MBD5: variants seen among roughly 807,000 people sequenced by gnomAD.
MBD5 encodes methyl-CpG binding domain protein 5.
In MBD5, 13 loss-of-function variants were observed where a neutral mutation model predicts 117.3. That is an observed-to-expected ratio of 0.11 (90% confidence interval 0.07 to 0.18). The LOEUF is 0.18. Ranked by LOEUF, MBD5 falls within the 10% of genes least tolerant of loss-of-function variation. MBD5 has a pLI of 1.00. For synonymous variants in MBD5, 727 were observed against 766.4 expected (o/e 0.95, Z 0.85); for missense variants, 1,879 against 2,093.8 (o/e 0.90, Z 2.00).
At position 148,355,302 on chromosome 2, in the gene MBD5, CT is replaced by C. The variant is rs775202893; in HGVS notation, c.-557+12980del. On this transcript the variant is annotated intron_variant, in intron 4 of 13. Coordinates refer to ENST00000642680, the MANE Select transcript of MBD5 (RefSeq NM_001378120.1). ...ATTAGATCCCATTTGTCGATTTTGGCTTTTTTTTTTTTTTGCCATTGCTTTT... is the reference window on the plus strand; with the variant it reads ...ATTAGATCCCATTTGTCGATTTTGGCTTTTTTTTTTTTTGCCATTGCTTTT... Among the ~76,000 whole-genome samples, 672 of 129,682 alleles carry C rather than the reference CT, an allele frequency of 5.2e-3. 1 individual carries two copies. The highest frequency in any genetic ancestry group is 6.1e-3 in the Non-Finnish European group (364 of 59,422). The allele number at this position is 129,682 out of a possible 152,430, so 85.1% of individuals were successfully genotyped here. A position where few individuals can be genotyped will look rare whatever the true frequency, so the allele number is the denominator to read the frequency against.
At chr2:148,117,210 G>A (rs752709950) in intron 1 of MBD5, among the ~76,000 whole-genome samples, 7 of 151,938 alleles carry the variant, frequency 4.6e-5, no homozygotes, top group Non-Finnish European at 1.0e-4. Flanking sequence ...TCTCTAGAAT[G>A]TGGAAGCATC....
At chr2:148,494,300 A>G (rs1574489824) in intron 11 of MBD5, among the ~76,000 whole-genome samples, 1 of 152,198 alleles carries the variant, frequency 6.6e-6, no homozygotes, top group African/African-American at 2.4e-5. Context: ...ACAAATTGGC[A>G]TATCTGATTA....
chr2:148,021,561 C>T lies in MBD5; in HGVS notation c.-1048C>T. The T allele has an allele frequency of 1.8e-6, 1 of 543,784 alleles. No homozygotes were observed. The highest frequency in any genetic ancestry group is 3.5e-6 in the Non-Finnish European group (1 of 282,098). The allele number at this position is 543,784 out of a possible 1,614,324, so 33.7% of individuals were successfully genotyped here. ...GGAGACATCTCACTACACCCAGGAG[C>T]AGCCACTTCCCCAGCTCTCCTCCTC... On this transcript the variant is annotated 5_prime_UTR_variant, in exon 1 of 14. Coordinates refer to ENST00000642680, the MANE Select transcript of MBD5 (RefSeq NM_001378120.1).
At chr2:148,507,622 G>A (rs574553445) in intron 12 of MBD5, among the ~76,000 whole-genome samples, 36 of 152,180 alleles carry the variant, frequency 2.4e-4, no homozygotes, top group Admixed American at 5.2e-4. Flanking sequence ...AGCCGGGCGC[G>A]GTGGCGGGTG....
chr2:148,168,748 AAAAAAT>A (rs1698187670), intron 1 of MBD5, among the ~76,000 whole-genome samples: 2 of 152,180 alleles, frequency 1.3e-5, no homozygotes, highest in South Asian at 4.1e-4. Flanking sequence ...GTCTCAAATT[AAAAAAT>A]AAAAATAAAA....
intron 2 of MBD5, among the ~76,000 whole-genome samples, chr2:148,195,077 G>T (rs1339695003): frequency 6.6e-6 from 1 of 152,148 alleles, no homozygotes; most frequent in East Asian, 1.9e-4. Context: ...GTATGTCTAT[G>T]TTCCAATAAA....
chr2:148,320,943 G>T (rs1014207379), intron 3 of MBD5, among the ~76,000 whole-genome samples: 3 of 151,926 alleles, frequency 2.0e-5, no homozygotes, highest in African/African-American at 7.3e-5. Context: ...CTTTTCAGAG[G>T]AGCAACTTTT....
chr2:148,436,530 G>T (rs898875744), intron 4 of MBD5, among the ~76,000 whole-genome samples: 2 of 151,938 alleles, frequency 1.3e-5, no homozygotes, highest in South Asian at 2.1e-4. Flanking sequence ...GCACCACCAC[G>T]CCAGGCTAAT....
chr2:148,284,248 G>T (rs2106396002), intron 3 of MBD5, among the ~76,000 whole-genome samples: 1 of 152,002 alleles, frequency 6.6e-6, no homozygotes, highest in Admixed American at 6.6e-5. Flanking sequence ...CCTAATAAAG[G>T]AACACTTTTT....
intron 1 of MBD5, among the ~76,000 whole-genome samples, chr2:148,102,571 G>C (rs1025350828): frequency 6.6e-6 from 1 of 151,862 alleles, no homozygotes; most frequent in Non-Finnish European, 1.5e-5. Context: ...TCTTTCGGTG[G>C]TATCAGTATT....
At chr2:148,340,971 A>T (rs185213598) in intron 3 of MBD5, among the ~76,000 whole-genome samples, 1 of 152,050 alleles carries the variant, frequency 6.6e-6, no homozygotes, top group African/African-American at 2.4e-5. Context: ...GTTGTCATTT[A>T]CAGATAGGAA....
intron 2 of MBD5, among the ~76,000 whole-genome samples, chr2:148,205,519 G>C (rs1378406613): frequency 6.6e-6 from 1 of 152,152 alleles, no homozygotes; most frequent in Non-Finnish European, 1.5e-5. Context: ...AAAAAGGGCA[G>C]AGTAATAGAA....
chr2:148,493,142 T>C (rs1681581350), intron 11 of MBD5, among the ~76,000 whole-genome samples: 1 of 152,198 alleles, frequency 6.6e-6, no homozygotes, highest in Non-Finnish European at 1.5e-5. Context: ...TAGTAAAACT[T>C]TTCTCATTCC....
intron 4 of MBD5, among the ~76,000 whole-genome samples, chr2:148,363,710 A>G (rs1703611883): frequency 6.6e-6 from 1 of 152,186 alleles, no homozygotes; most frequent in South Asian, 2.1e-4. Flanking sequence ...CACAAGTATC[A>G]ATAGCTGAAT....
chr2:148,154,664 C>T (rs879963827), intron 1 of MBD5, among the ~76,000 whole-genome samples: 9 of 152,194 alleles, frequency 5.9e-5, no homozygotes, highest in Admixed American at 3.9e-4. Flanking sequence ...GTCGGAAAAG[C>T]GCAGTAATCG....
chr2:148,434,618 A>C (rs1159232992), intron 4 of MBD5, among the ~76,000 whole-genome samples: 1 of 151,960 alleles, frequency 6.6e-6, no homozygotes, highest in Non-Finnish European at 1.5e-5. Flanking sequence ...GTGGTCCAGG[A>C]GTGGGGTTGG....
chr2:148,086,857 A>T (rs561288220), intron 1 of MBD5, among the ~76,000 whole-genome samples: 1 of 152,116 alleles, frequency 6.6e-6, no homozygotes, highest in African/African-American at 2.4e-5. Context: ...TGTCTTTACT[A>T]CCTCGCCTTT....
At chr2:148,067,253 A>G (rs1443216135) in intron 1 of MBD5, among the ~76,000 whole-genome samples, 2 of 152,218 alleles carry the variant, frequency 1.3e-5, no homozygotes, top group Non-Finnish European at 2.9e-5. Flanking sequence ...TGAAATGTCT[A>G]TGATCTTTAA....
In MBD5 at chr2:148,489,941, A is replaced by G; in HGVS notation, c.4309A>G (p.Arg1437Gly). The change falls in exon 11 of 14, where the codon AGA (arginine) becomes GGA (glycine). Residue 1437 changes from arginine to glycine, a missense_variant. Arg to Gly is a moderately radical substitution (Grantham distance 125, BLOSUM62 -2). This residue lies in a region of MBD5 where 1,666 missense variants were observed against 1,792.2 expected (regional missense o/e 0.93). Coordinates refer to ENST00000642680, the MANE Select transcript of MBD5 (RefSeq NM_001378120.1). ...ACAGTGGGACGGGGAGCAAAGCCCC[A>G]GAGGGGAGCGAAACAGGTGGAAGTA... ...KKQWDGEQSP[R>G]GERNRWKYEE... 2 of 1,614,134 alleles carry G rather than the reference A, an allele frequency of 1.2e-6. No homozygotes were observed. Among genetic ancestry groups the G allele is most frequent in the Non-Finnish European group, 1.7e-6 (2 of 1,180,028 alleles).
Sources: allele counts gnomAD v4.1 joint callset (sites outside exome capture counted in the v4.1 genomes callset), GRCh38; gene constraint gnomAD v4.1.1; regional missense constraint gnomAD v4.1.1; transcripts MANE v1.5; gene names NCBI Gene and HGNC (gene_info 2026-07-23, HGNC 2026-07-21).